TDP1: variants seen among roughly 807,000 people sequenced by gnomAD.
TDP1 encodes tyr-DNA phosphodiesterase 1.
Under a neutral mutation model 81.5 loss-of-function variants are expected in TDP1, and 64 were observed. The ratio of observed to expected loss-of-function variants is 0.79; its 90% CI spans 0.64 to 0.97. The LOEUF (loss-of-function observed/expected upper bound fraction) is 0.97. Ranked by LOEUF, TDP1 falls within the 50% of genes least tolerant of loss-of-function variation. The probability of loss-of-function intolerance (pLI) is 0.00; values close to 1 mark genes in which losing one functional copy is unlikely to be tolerated. For missense variants in TDP1, 723 were observed against 743.8 expected, an observed-to-expected ratio of 0.97 and a Z score of 0.33; for synonymous variants, 256 against 264.3, an observed-to-expected ratio of 0.97 and a Z score of 0.30.
chr14:90,023,717 G>C (rs1483176572), intron 15 of TDP1, among the ~76,000 whole-genome samples: 1 of 151,846 alleles, frequency 6.6e-6, no homozygotes, highest in African/African-American at 2.4e-5. Context: ...TTTGAGACAG[G>C]CTCTTGCTCT....
chr14:89,996,969 A>G (rs980080649), intron 14 of TDP1, among the ~76,000 whole-genome samples: 3 of 152,258 alleles, frequency 2.0e-5, no homozygotes, highest in Non-Finnish European at 2.9e-5. Context: ...TGTGGCAAGA[A>G]TAGAGTAATT....
intron 10 of TDP1, among the ~76,000 whole-genome samples, chr14:89,986,833 T>G (rs191552969): frequency 6.6e-6 from 1 of 152,248 alleles, no homozygotes; most frequent in East Asian, 1.9e-4. Context: ...ATGCCTAACC[T>G]GTGTTAAGGA....
rs1181053552 is a variant in TDP1, at chr14:89,963,420, G to C, written c.306G>C (p.Gln102His). 1.2e-6 allele frequency: 2 copies of C among 1,614,024 alleles called. No individual in the cohort carries two copies. The highest frequency in any genetic ancestry group is 1.7e-6 in the Non-Finnish European group (2 of 1,179,992). ...SDDELQPEMP[Q>H]KQAEKVVIKK... ...ATGAGCTGCAACCAGAAATGCCGCA[G>C]AAGCAGGCTGAGAAAGTGGTGATCA... The change falls in exon 3 of 17, where the codon CAG becomes CAC. Residue 102 changes from glutamine (Q) to histidine (H), a missense_variant. By Grantham distance (24) the Gln-to-His change is conservative (BLOSUM62 0). Transcript: ENST00000335725.
At chr14:90,004,260 C>T (rs533677683) in intron 14 of TDP1, among the ~76,000 whole-genome samples, 5 of 152,210 alleles carry the variant, frequency 3.3e-5, no homozygotes, top group African/African-American at 1.2e-4. Flanking sequence ...AGACCCCTGA[C>T]TTAGTGCCTC....
At chr14:90,017,244 C>G (rs544890568) in intron 14 of TDP1, among the ~76,000 whole-genome samples, 7 of 151,918 alleles carry the variant, frequency 4.6e-5, no homozygotes, top group African/African-American at 1.7e-4. Flanking sequence ...CCCCCACCCT[C>G]CCTGCCTCCC....
intron 1 of TDP1, 172 bp from the exon 2 acceptor site, chr14:89,956,406 G>A (rs978408300): frequency 5.3e-4 from 80 of 152,278 alleles, no homozygotes; most frequent in African/African-American, 1.9e-3. Flanking sequence ...TGAGGGTGAA[G>A]CGAGTTTACA....
intron 2 of TDP1, among the ~76,000 whole-genome samples, chr14:89,961,636 C>T (rs1892338254): frequency 6.6e-6 from 1 of 152,090 alleles, no homozygotes; most frequent in Non-Finnish European, 1.5e-5. Flanking sequence ...CATGTCTGAG[C>T]TCCCATCTCA....
At chr14:89,998,930 G>A (rs1211857665) in intron 14 of TDP1, among the ~76,000 whole-genome samples, 1 of 151,930 alleles carries the variant, frequency 6.6e-6, no homozygotes, top group Non-Finnish European at 1.5e-5. Context: ...ATTAGTCGTT[G>A]GTCTATGGAA....
At chr14:90,024,054 G>A (rs1303696729) in intron 15 of TDP1, among the ~76,000 whole-genome samples, 1 of 152,260 alleles carries the variant, frequency 6.6e-6, no homozygotes, top group East Asian at 1.9e-4. Flanking sequence ...ACCTCCCTGG[G>A]CCACATCTAT....
chr14:89,980,938 A>G (rs1354044543), intron 8 of TDP1, among the ~76,000 whole-genome samples: 4 of 152,196 alleles, frequency 2.6e-5, no homozygotes, highest in African/African-American at 7.2e-5. Flanking sequence ...GTGGCATCAT[A>G]TACACTCTAC....
Position 89,989,252 on chromosome 14 carries a change from C to T in TDP1, c.1317+162C>T, listed in dbSNP as rs544384431. ...TGCGGAAAGAGCAGTACATTAGCAT[C>T]GTCATTTGTAATCAAGTTGCCTTTG... On this transcript the variant is annotated intron_variant, in intron 11 of 16. Coordinates refer to ENST00000335725, the MANE Select transcript of TDP1 (RefSeq NM_018319.4). 62 of 947,884 alleles carry T rather than the reference C, an allele frequency of 6.5e-5. No homozygotes were observed. The South Asian group carries it at 1.1e-3, about 17-fold the overall frequency. 58.7% of individuals were successfully genotyped at this position (947,884 alleles called of 1,614,324 possible). A position where few individuals can be genotyped will look rare whatever the true frequency, so the allele number is the denominator to read the frequency against.
intron 2 of TDP1, among the ~76,000 whole-genome samples, chr14:89,957,874 C>T (rs1891844119): frequency 6.6e-6 from 1 of 152,216 alleles, no homozygotes; most frequent in African/African-American, 2.4e-5. Flanking sequence ...AGCTGGAGAC[C>T]TCCAGCCCTG....
At chr14:90,018,915 C>T in intron 14 of TDP1, 1 of 948,036 alleles carries the variant, frequency 1.1e-6, no homozygotes, top group Non-Finnish European at 1.3e-6. Context: ...AAATATGAAG[C>T]TTAAGATACT....
In TDP1 at chr14:89,968,113, T is replaced by C. The variant is rs140405272; in HGVS notation, c.659+691T>C. On this transcript the variant is annotated intron_variant, in intron 5 of 16. Coordinates refer to ENST00000335725, the MANE Select transcript of TDP1 (RefSeq NM_018319.4). The stretch of plus-strand genomic sequence containing the variant: ...TTGTGGAAACCTTTGACATTAACAG[T>C]AGATAAAATGCTGTTAAAATTTTTC... 2.1e-3 allele frequency among the ~76,000 whole-genome samples: 318 copies of C among 151,222 alleles called. 2 individuals carry two copies. The highest frequency in any genetic ancestry group is 7.3e-3 in the African/African-American group (301 of 41,202).
Position 89,989,745 on chromosome 14 carries a change from C to G in TDP1, c.1346C>G (p.Thr449Ser). The change falls in exon 12 of 17, where the codon ACC becomes AGC. Residue 449 changes from threonine (T) to serine (S), a missense_variant. Coordinates refer to ENST00000335725, the MANE Select transcript of TDP1 (RefSeq NM_018319.4). ...LIYPSVENVR[T>S]SLEGYPAGGS... is the part of the protein sequence containing the mutation. ...TATCCTTCTGTGGAAAATGTGCGGACCAGTTTAGAAGGATATCCTGGTAAT... is the reference window on the plus strand; with the variant it reads ...TATCCTTCTGTGGAAAATGTGCGGAGCAGTTTAGAAGGATATCCTGGTAAT... The G allele has an allele frequency of 6.2e-7, 1 of 1,611,182 alleles. No individual in the cohort carries two copies. The highest frequency in any genetic ancestry group is 8.5e-7 in the Non-Finnish European group (1 of 1,177,578).
intron 5 of TDP1, among the ~76,000 whole-genome samples, chr14:89,969,125 A>G (rs1026011614): frequency 6.6e-5 from 10 of 152,218 alleles, no homozygotes; most frequent in African/African-American, 2.4e-4. Context: ...TCCTGCCAGC[A>G]CCTTGATCTT....
intron 5 of TDP1, among the ~76,000 whole-genome samples, chr14:89,969,180 C>T (rs1025562130): frequency 2.0e-5 from 3 of 152,188 alleles, no homozygotes; most frequent in Non-Finnish European, 4.4e-5. Flanking sequence ...TTGCTGTTGT[C>T]TAAGCCTCCC....
chr14:89,984,726 A>C, intron 9 of TDP1, 43 bp downstream of exon 9: 1 of 1,609,058 alleles, frequency 6.2e-7, no homozygotes, highest in African/African-American at 1.3e-5. Flanking sequence ...TGATAGGCTT[A>C]TACCTTGGGA....
At chr14:90,031,175 G>C (rs1193443116) in intron 15 of TDP1, among the ~76,000 whole-genome samples, 1 of 151,554 alleles carries the variant, frequency 6.6e-6, no homozygotes, top group Non-Finnish European at 1.5e-5. Flanking sequence ...AGTTACATAT[G>C]TATACATGTG....
Sources: gnomAD v4.1 joint callset for allele counts (sites outside exome capture counted in the v4.1 genomes callset) on GRCh38, gnomAD v4.1.1 for gene constraint, MANE v1.5 for transcripts, NCBI Gene and HGNC (gene_info 2026-07-23, HGNC 2026-07-21) for gene names.